Variants in DHRS9 observed in about 807,000 individuals in gnomAD.
DHRS9 encodes dehydrogenase/reductase 9, also known as dehydrogenase/reductase SDR family member 9.
Under a neutral mutation model 26.6 loss-of-function variants are expected in DHRS9, and 18 were observed. That is an observed-to-expected ratio of 0.68 (90% CI 0.47 to 1.00). The LOEUF is 1.00. DHRS9 is among the 50% of genes least tolerant of loss of function. DHRS9 has a pLI of 0.00. For missense variants in DHRS9, 425 were observed against 378.7 expected, an observed-to-expected ratio of 1.12 and a Z score of -1.01; for synonymous variants, 134 against 141.1, an observed-to-expected ratio of 0.95 and a Z score of 0.36.
rs142324226 is a variant in DHRS9, at chr2:169,096,037, T to C, written c.*270T>C. On this transcript the variant is annotated 3_prime_UTR_variant, in exon 5 of 5. Coordinates refer to ENST00000674881, the MANE Select transcript of DHRS9 (RefSeq NM_001376924.1). ...CCTGCTTGGTGTGATGTAAGGGAAATTGAAAGACTTGCCCATTCAAAATGA... is the reference window on the plus strand; with the variant it reads ...CCTGCTTGGTGTGATGTAAGGGAAACTGAAAGACTTGCCCATTCAAAATGA... 7.6e-5 allele frequency: 35 copies of C among 460,236 alleles called. No individual in the cohort carries two copies. The highest frequency in any genetic ancestry group is 5.2e-4 in the African/African-American group (27 of 51,440). The allele number at this position is 460,236 out of a possible 1,614,324, so 28.5% of individuals were successfully genotyped here.
chr2:169,068,525 G>A (rs1454987604), upstream of DHRS9, among the ~76,000 whole-genome samples: 1 of 151,930 alleles, frequency 6.6e-6, no homozygotes, highest in African/African-American at 2.4e-5. Context: ...GGGGTTTCAC[G>A]ATGTTGGCCA....
At chr2:169,090,246 A>G (rs1574036420) in intron 3 of DHRS9, among the ~76,000 whole-genome samples, 2 of 152,208 alleles carry the variant, frequency 1.3e-5, no homozygotes, top group African/African-American at 4.8e-5. Context: ...TTTTCCCAGC[A>G]TGCATACTGA....
chr2:169,079,894 AGAGG>A (rs1368858410), intron 1 of DHRS9, among the ~76,000 whole-genome samples: 870 of 86,278 alleles, frequency 0.01, 33 homozygotes, highest in Non-Finnish European at 0.015. Flanking sequence ...AGAGAGAGAG[AGAGG>A]GAGGGAGGGA....
intron 3 of DHRS9, among the ~76,000 whole-genome samples, chr2:169,085,503 C>CT (rs1684323474): frequency 6.6e-6 from 1 of 152,128 alleles, no homozygotes; most frequent in Admixed American, 6.5e-5. Flanking sequence ...TCTTCAATTT[C>CT]TTTTATCAAT....
At chr2:169,079,936 AGAGAGAG>A (rs1684108563) in intron 1 of DHRS9, among the ~76,000 whole-genome samples, 1 of 25,130 alleles carries the variant, frequency 4.0e-5, no homozygotes, top group Non-Finnish European at 9.0e-5. Flanking sequence ...AGAGAGAGAG[AGAGAGAG>A]AGAGAGAGAG....
chr2:169,081,528 C>A lies in DHRS9; in HGVS notation c.-54C>A, dbSNP rs2105290522. The A allele has an allele frequency of 6.4e-7, 1 of 1,566,018 alleles. No individual in the cohort carries two copies. The highest frequency in any genetic ancestry group is 8.6e-7 in the Non-Finnish European group (1 of 1,160,388). On this transcript the variant is annotated 5_prime_UTR_variant, in exon 2 of 5. Coordinates refer to ENST00000674881, the MANE Select transcript of DHRS9 (RefSeq NM_001376924.1). The stretch of plus-strand genomic sequence containing the variant: ...TTTTCACTTTGAACACTCAGGACAC[C>A]ATCTTCTTGTATTATACAAGAAAGG...
In DHRS9 at chr2:169,083,482, A is replaced by G; in HGVS notation, c.467A>G (p.Gln156Arg). 5 of 1,614,134 alleles carry G rather than the reference A, an allele frequency of 3.1e-6. No individual in the cohort carries two copies. The highest frequency in any genetic ancestry group is 4.2e-6 in the Non-Finnish European group (5 of 1,179,986). ...ATGCTTCCTTTGGTCAAGAAAGCTC[A>G]AGGGAGAGTTATTAATGTCTCCAGT... ...LNMLPLVKKA[Q>R]GRVINVSSVG... Residue 156 changes from glutamine to arginine, a missense_variant, in exon 3 of 5, where the codon CAA becomes CGA. By Grantham distance (43) the Gln-to-Arg change is conservative. Transcript: ENST00000674881.
chr2:169,073,816 T>C (rs559614582), intron 1 of DHRS9, among the ~76,000 whole-genome samples: 1 of 152,276 alleles, frequency 6.6e-6, no homozygotes, highest in South Asian at 2.1e-4. Context: ...AAGGAACCAA[T>C]GACTAAGTTT....
chr2:169,084,883 A>C (rs758120897), intron 3 of DHRS9, among the ~76,000 whole-genome samples: 6 of 152,030 alleles, frequency 3.9e-5, no homozygotes, highest in Non-Finnish European at 8.8e-5. Context: ...TGTTTGTGGC[A>C]TATTACTCAA....
chr2:169,076,639 T>C (rs1358835264), intron 1 of DHRS9, among the ~76,000 whole-genome samples: 1 of 152,226 alleles, frequency 6.6e-6, no homozygotes, highest in Non-Finnish European at 1.5e-5. Context: ...TACTCCTCCT[T>C]CTGACAGTGT....
Position 169,091,862 on chromosome 2 carries a change from T to C in DHRS9, c.645T>C (p.Asp215=). The change falls in exon 4 of 5, where the codon GAT becomes GAC. Residue 215 remains aspartate, a synonymous_variant. Coordinates refer to ENST00000674881, the MANE Select transcript of DHRS9 (RefSeq NM_001376924.1). ...GATTGTTCAAAACAAACTTGGCAGA[T>C]CCAGTAAAGGTAATTGAAAAAAAAC... ...EPGLFKTNLA[D]PVKVIEKKLA... is the part of the protein sequence containing the mutation. 2 of 1,613,910 alleles carry C rather than the reference T, an allele frequency of 1.2e-6. No individual in the cohort carries two copies. Among genetic ancestry groups the C allele is most frequent in the Non-Finnish European group, 1.7e-6 (2 of 1,179,964 alleles).
At chr2:169,093,815 G>T (rs1483302453) in intron 4 of DHRS9, among the ~76,000 whole-genome samples, 1 of 152,180 alleles carries the variant, frequency 6.6e-6, no homozygotes, top group African/African-American at 2.4e-5. Context: ...AATTTCCCAA[G>T]CTGGGATAGT....
At chr2:169,081,971 CA>C (rs1684206933) in intron 2 of DHRS9, 77 bp downstream of exon 2, 1 of 1,416,206 alleles carries the variant, frequency 7.1e-7, no homozygotes, top group East Asian at 2.4e-5. Flanking sequence ...AAAACATGCT[CA>C]AGTTTTAAAT....
chr2:169,091,496 T>A (rs1684524824), intron 3 of DHRS9, among the ~76,000 whole-genome samples: 2 of 152,108 alleles, frequency 1.3e-5, no homozygotes, highest in Non-Finnish European at 2.9e-5. Context: ...AACCTGAATG[T>A]CCACTTAGTC....
chr2:169,083,491 T>C lies in DHRS9; in HGVS notation c.476T>C (p.Val159Ala). 1 of 1,613,742 alleles carries C rather than the reference T, an allele frequency of 6.2e-7. No individual in the cohort carries two copies. The highest frequency in any genetic ancestry group is 1.1e-5 in the South Asian group (1 of 91,042). The change falls in exon 3 of 5, where the codon GTT becomes GCT. Residue 159 changes from valine to alanine, a missense_variant. By Grantham distance (64) the Val-to-Ala change is moderately conservative. Transcript: ENST00000674881. ...LPLVKKAQGR[V>A]INVSSVGGRL... ...TTGGTCAAGAAAGCTCAAGGGAGAGTTATTAATGTCTCCAGTGTTGGAGGT... is the reference window on the plus strand; with the variant it reads ...TTGGTCAAGAAAGCTCAAGGGAGAGCTATTAATGTCTCCAGTGTTGGAGGT...
intron 3 of DHRS9, among the ~76,000 whole-genome samples, chr2:169,091,589 C>T (rs1289807668): frequency 6.6e-6 from 1 of 152,196 alleles, no homozygotes; most frequent in African/African-American, 2.4e-5. Flanking sequence ...TCCTGTCCTG[C>T]CGTTAACTAG....
intron 2 of DHRS9, among the ~76,000 whole-genome samples, chr2:169,082,125 G>A (rs1219407605): frequency 1.3e-5 from 2 of 152,202 alleles, no homozygotes; most frequent in African/African-American, 4.8e-5. Flanking sequence ...CTCAGTGGGT[G>A]AATTCAGGGC....
At chr2:169,092,096 T>C (rs1684549116) in intron 4 of DHRS9, 143 bp downstream of exon 4, 1 of 971,084 alleles carries the variant, frequency 1.0e-6, no homozygotes, top group African/African-American at 1.6e-5. Flanking sequence ...CTCCTATTAA[T>C]TTCAGTGTCA....
upstream of DHRS9, chr2:169,069,561 G>A: frequency 1.0e-6 from 1 of 985,358 alleles, no homozygotes; most frequent in Non-Finnish European, 1.2e-6. Flanking sequence ...CACACATGTA[G>A]TACTCAGAGC....
Sources: allele counts gnomAD v4.1 joint callset (sites outside exome capture counted in the v4.1 genomes callset), GRCh38; gene constraint gnomAD v4.1.1; transcripts MANE v1.5; gene names NCBI Gene and HGNC (gene_info 2026-07-23, HGNC 2026-07-21).